The following IVD variants were observed in gnomAD, a reference collection of about 807,000 sequenced individuals.
IVD encodes isovaleryl-CoA dehydrogenase, mitochondrial.
IVD carries 31 observed loss-of-function variants against 51.3 expected under a neutral mutation model. The observed-to-expected ratio is 0.60, with a 90% CI of 0.45 to 0.81. The LOEUF is 0.81. Ranked by LOEUF, IVD falls within the 40% of genes least tolerant of loss-of-function variation. The pLI, the probability that IVD is intolerant of heterozygous loss-of-function variation, is 0.00. For synonymous variants in IVD, 205 were observed against 219.4 expected (o/e 0.93, Z 0.58); for missense variants, 475 against 552.0 (o/e 0.86, Z 1.40).
chr15:40,412,711 A>C, intron 6 of IVD: 2 of 436,854 alleles, frequency 4.6e-6, no homozygotes, highest in South Asian at 4.2e-5. Context: ...AAATAAGGCC[A>C]GGGGGGTCGG....
chr15:40,427,533 C>G (rs945060647), downstream of IVD, among the ~76,000 whole-genome samples: 8 of 152,208 alleles, frequency 5.3e-5, no homozygotes, highest in Admixed American at 2.6e-4. Flanking sequence ...CTGCCCCCTC[C>G]CGCAAAGTCT....
intron 1 of IVD, 132 bp downstream of exon 1, chr15:40,406,103 G>A: frequency 6.5e-7 from 1 of 1,540,356 alleles, no homozygotes. Flanking sequence ...CGTTGGGAGC[G>A]CCAGCGCGGG....
Position 40,418,468 on chromosome 15 carries a change from T to G in IVD, c.*205T>G. On this transcript the variant is annotated 3_prime_UTR_variant, in exon 12 of 12. Transcript: ENST00000487418. ...GCCGGGCCTGTGCCACGGCTAGTGT[T>G]GTGTGATTTAAAATGGACTCAGCAG... is the stretch of plus-strand genomic sequence containing the variant. 2.1e-6 allele frequency: 3 copies of G among 1,428,238 alleles called. No individual in the cohort carries two copies. Among genetic ancestry groups the G allele is most frequent in the Non-Finnish European group, 2.7e-6 (3 of 1,091,084 alleles). The allele number at this position is 1,428,238 out of a possible 1,614,324, so 88.5% of individuals were successfully genotyped here.
downstream of IVD, among the ~76,000 whole-genome samples, chr15:40,428,700 C>T (rs1892806202): frequency 6.6e-6 from 1 of 152,188 alleles, no homozygotes. Context: ...GGGCTGCAAC[C>T]TCCTGTTCGG....
exon 9 of IVD, chr15:40,435,507 T>C (rs1893220112): frequency 2.4e-6 from 3 of 1,252,516 alleles, no homozygotes; most frequent in Non-Finnish European, 3.1e-6. Context: ...GCGAGGGAAC[T>C]GAGATGCAAG....
chr15:40,424,356 C>T, downstream of IVD: 1 of 384,536 alleles, frequency 2.6e-6, no homozygotes, highest in Non-Finnish European at 4.5e-6. Flanking sequence ...ATCCCTGTGC[C>T]TTTGGTCTGG....
At chr15:40,407,578 G>A in intron 1 of IVD, 58 bp from the exon 2 acceptor site, 3 of 1,261,390 alleles carry the variant, frequency 2.4e-6, no homozygotes, top group South Asian at 1.2e-5. Context: ...TCTCTTGAAT[G>A]TGTCTGGGTA....
In IVD at chr15:40,415,945, C is replaced by T. The variant is rs1430833803; in HGVS notation, c.961-133C>T. ...CCACACCTGCCCCCATCTCCATCATCCTGAGTAAATCCCATCTCCTCTCCA... is the reference window on the plus strand; with the variant it reads ...CCACACCTGCCCCCATCTCCATCATTCTGAGTAAATCCCATCTCCTCTCCA... On this transcript the variant is annotated intron_variant, in intron 9 of 11. Transcript: ENST00000487418. The T allele has an allele frequency of 1.6e-5, 13 of 798,050 alleles. No individual in the cohort carries two copies. In the Admixed American group the frequency reaches 2.4e-4, roughly 15 times the overall value. The allele number at this position is 798,050 out of a possible 1,614,324, so 49.4% of individuals were successfully genotyped here.
chr15:40,407,813 G>A, intron 2 of IVD, 88 bp downstream of exon 2: 1 of 1,437,512 alleles, frequency 7.0e-7, no homozygotes, highest in Non-Finnish European at 9.8e-7. Context: ...CAGTTTTCTG[G>A]TAAATGAAGC....
chr15:40,422,344 C>T (rs981511616), downstream of IVD, among the ~76,000 whole-genome samples: 2 of 151,732 alleles, frequency 1.3e-5, no homozygotes, highest in East Asian at 1.9e-4. Flanking sequence ...AGTGCAGTGG[C>T]GCAATCTTGG....
At chr15:40,416,844 G>T (rs1418299077) in intron 11 of IVD, among the ~76,000 whole-genome samples, 1 of 152,198 alleles carries the variant, frequency 6.6e-6, no homozygotes. Context: ...GCCAGGAGTT[G>T]CTGCTGCCTT....
Position 40,435,550 on chromosome 15 carries a change from G to C in IVD, c.915G>C (p.Leu305=), listed in dbSNP as rs138052240. 1.5e-3 allele frequency: 1,745 copies of C among 1,183,872 alleles called. 1 individual carries two copies. The highest frequency in any genetic ancestry group is 1.8e-3 in the Non-Finnish European group (1,668 of 927,684). The allele number at this position is 1,183,872 out of a possible 1,614,324, so 73.3% of individuals were successfully genotyped here. A position where few individuals can be genotyped will look rare whatever the true frequency, so the allele number is the denominator to read the frequency against. The change falls in exon 9 of 9, where the codon CTG becomes CTC. Residue 305 remains leucine (L), a synonymous_variant. Transcript: ENST00000473112. ...TGCCTGAACTCACACCCCGCGTGCT[G>C]CTCCCCCAACTCGCCTCTTGGATCT...
intron 7 of IVD, among the ~76,000 whole-genome samples, chr15:40,414,185 G>A (rs527849350): frequency 1.3e-5 from 2 of 152,290 alleles, no homozygotes; most frequent in East Asian, 3.9e-4. Context: ...TCAACAGTTA[G>A]GTTTGCTGTC....
intron 7 of IVD, among the ~76,000 whole-genome samples, chr15:40,413,672 T>C (rs1004447903): frequency 2.9e-5 from 3 of 101,776 alleles, no homozygotes; most frequent in Admixed American, 2.2e-4. Context: ...GGGTTTTTTT[T>C]TGTTTTTTTT....
At chr15:40,435,600 A>C, downstream of IVD, 1 of 1,115,644 alleles carries the variant, frequency 9.0e-7, no homozygotes, top group Non-Finnish European at 1.1e-6. Context: ...CCTTTCCTCA[A>C]AATCCTTCTA....
At chr15:40,435,760 C>T (rs1893232768), downstream of IVD, 3 of 963,954 alleles carry the variant, frequency 3.1e-6, no homozygotes, top group Middle Eastern at 5.2e-4. Context: ...TTGGGGTGTC[C>T]TCATCTTTCC....
At chr15:40,422,585 C>CTTTTTTTTTTTTTTTTTTT (rs1157351420), downstream of IVD, among the ~76,000 whole-genome samples, 82 of 69,136 alleles carry the variant, frequency 1.2e-3, 4 homozygotes, top group Non-Finnish European at 1.6e-3. Flanking sequence ...GCCCGGCCGA[C>CTTTTTTTTTTTTTTTTTTT]TTTTTTTTTT....
intron 7 of IVD, among the ~76,000 whole-genome samples, chr15:40,431,388 C>T (rs1325283164): frequency 1.3e-5 from 2 of 151,898 alleles, no homozygotes; most frequent in African/African-American, 4.8e-5. Context: ...TTTCATAAGA[C>T]TGGCTGGGGA....
chr15:40,413,096 C>T lies in IVD; in HGVS notation c.784+9C>T, dbSNP rs1891254953. On this transcript the variant is annotated intron_variant, in intron 7 of 11. Transcript: ENST00000487418. ...AGACTGCAAGATTCCTGGTAAGTAG[C>T]ACCGGGAATCGGGGAGCCCCTCTCC... 6.2e-7 allele frequency: 1 copy of T among 1,602,732 alleles called. No individual in the cohort carries two copies. The highest frequency in any genetic ancestry group is 8.5e-7 in the Non-Finnish European group (1 of 1,170,506).
Sources: allele counts gnomAD v4.1 joint callset (sites outside exome capture counted in the v4.1 genomes callset), GRCh38; gene constraint gnomAD v4.1.1; transcripts MANE v1.5; gene names NCBI Gene and HGNC (gene_info 2026-07-23, HGNC 2026-07-21).